CREB3L2: variants seen among roughly 807,000 people sequenced by gnomAD.
The protein encoded by CREB3L2 is cyclic AMP-responsive element-binding protein 3-like protein 2.
Under a neutral mutation model 57.2 loss-of-function variants are expected in CREB3L2, and 23 were observed. The observed-to-expected ratio is 0.40, with a 90% CI of 0.29 to 0.57. The LOEUF (loss-of-function observed/expected upper bound fraction) is 0.57, where lower values mean the gene tolerates loss of function less well. CREB3L2 is among the 20% of genes least tolerant of loss of function. The probability of loss-of-function intolerance (pLI) is 0.42; values close to 1 mark genes in which losing one functional copy is unlikely to be tolerated. For synonymous variants in CREB3L2, 268 were observed against 265.1 expected, an observed-to-expected ratio of 1.01 and a Z score of -0.11; for missense variants, 628 against 634.7, an observed-to-expected ratio of 0.99 and a Z score of 0.11.
chr7:137,879,084 T>C lies in CREB3L2; in HGVS notation c.*1392A>G. On this transcript the variant is annotated 3_prime_UTR_variant, in exon 12 of 12. Coordinates refer to ENST00000330387, the MANE Select transcript of CREB3L2 (RefSeq NM_194071.4). The stretch of plus-strand genomic sequence containing the variant: ...AAAAAACACTTGAGGGTTTTCTACA[T>C]TACACAATAAAAAGGCAATTTCCAC... 2.1e-6 allele frequency: 1 copy of C among 475,380 alleles called. No individual in the cohort carries two copies. The highest frequency in any genetic ancestry group is 3.1e-5 in the Admixed American group (1 of 32,480). The allele number at this position is 475,380 out of a possible 1,614,324, so 29.4% of individuals were successfully genotyped here.
At chr7:137,924,020 C>T (rs1171343643) in intron 2 of CREB3L2, among the ~76,000 whole-genome samples, 1 of 152,196 alleles carries the variant, frequency 6.6e-6, no homozygotes, top group Non-Finnish European at 1.5e-5. Flanking sequence ...CTCACCTTTA[C>T]CTCACAGACT....
rs1585674286 is a variant in CREB3L2, at chr7:137,980,171, G to A, written c.102+21433C>T. ...TGCCAGACCATGGACCATGCTTTGA[G>A]TAGTCATACTCCAAGCCAGTAGTTC... On this transcript the variant is annotated intron_variant, in intron 1 of 11. Coordinates refer to ENST00000330387, the MANE Select transcript of CREB3L2 (RefSeq NM_194071.4). This position sits in a 1 kb window ranked among gnomAD's most constrained non-coding sequence, Gnocchi z 4.3. Among the ~76,000 whole-genome samples, 1 of 152,212 alleles carries A rather than the reference G, an allele frequency of 6.6e-6. No individual in the cohort carries two copies. The highest frequency in any genetic ancestry group is 6.5e-5 in the Admixed American group (1 of 15,282).
intron 1 of CREB3L2, among the ~76,000 whole-genome samples, chr7:137,994,192 A>G (rs1160290396): frequency 6.6e-6 from 1 of 152,308 alleles, no homozygotes; most frequent in East Asian, 1.9e-4. Context: ...CAATCCTACC[A>G]AATGCCCAGC....
intron 1 of CREB3L2, among the ~76,000 whole-genome samples, chr7:137,982,887 T>C (rs1021025129): frequency 6.6e-6 from 1 of 151,886 alleles, no homozygotes; most frequent in Non-Finnish European, 1.5e-5. Flanking sequence ...GAAGAGGACA[T>C]AGCAAAAAGG....
Position 138,001,082 on chromosome 7 carries a change from AACACACACACACACAC to A in CREB3L2, c.102+506_102+521del, listed in dbSNP as rs59967148. ...CTCCCTAACGTAGAGGAGCCCTTTC[AACACACACACACACAC>A]ACACACACACACACACACACACACA... On this transcript the variant is annotated intron_variant, in intron 1 of 11. Transcript: ENST00000330387. The surrounding 1 kb of genome is among the most constrained non-coding windows in gnomAD (Gnocchi z 4.2). Among the ~76,000 whole-genome samples, 4,075 of 136,808 alleles carry A rather than the reference AACACACACACACACAC, an allele frequency of 0.03. 188 individuals are homozygous for A. The highest frequency in any genetic ancestry group is 0.1 in the African/African-American group (3,835 of 37,410). The allele number at this position is 136,808 out of a possible 152,430, so 89.8% of individuals were successfully genotyped here. A position where few individuals can be genotyped will look rare whatever the true frequency, so the allele number is the denominator to read the frequency against.
chr7:137,986,138 T>A lies in CREB3L2; in HGVS notation c.102+15466A>T, dbSNP rs778707162. On this transcript the variant is annotated intron_variant, in intron 1 of 11. Transcript: ENST00000330387. ...AACAGTCTCAGAAAGGTGCTCACAG[T>A]AGGGAGAGCCAGAACCAGATTGTAA... Among the ~76,000 whole-genome samples, 3 of 152,336 alleles carry A rather than the reference T, an allele frequency of 2.0e-5. No individual in the cohort carries two copies. In the East Asian group the frequency reaches 5.8e-4, roughly 29 times the overall value.
At chr7:137,971,287 A>G (rs1232931774) in intron 1 of CREB3L2, among the ~76,000 whole-genome samples, 1 of 152,066 alleles carries the variant, frequency 6.6e-6, no homozygotes, top group East Asian at 1.9e-4. Flanking sequence ...CATCTCTACT[A>G]AAAATACAAA....
At chr7:137,969,005 G>A (rs139393384) in intron 1 of CREB3L2, among the ~76,000 whole-genome samples, 113 of 152,244 alleles carry the variant, frequency 7.4e-4, no homozygotes, top group African/African-American at 2.6e-3. Context: ...GAGAAGGAAC[G>A]AAGAAGACGT....
At chr7:137,935,164 G>A (rs556345683) in intron 1 of CREB3L2, among the ~76,000 whole-genome samples, 2 of 152,210 alleles carry the variant, frequency 1.3e-5, no homozygotes, top group Non-Finnish European at 2.9e-5. Context: ...CAATAATGCC[G>A]GCAAAGTGAA....
chr7:137,940,701 A>G (rs770339787), intron 1 of CREB3L2, among the ~76,000 whole-genome samples: 39 of 152,360 alleles, frequency 2.6e-4, no homozygotes, highest in Non-Finnish European at 3.1e-4. Flanking sequence ...ATCTAATGCC[A>G]AAAACATCAG....
At chr7:137,929,960 C>T (rs543485653) in intron 1 of CREB3L2, among the ~76,000 whole-genome samples, 13 of 151,266 alleles carry the variant, frequency 8.6e-5, no homozygotes, top group African/African-American at 1.9e-4. Flanking sequence ...TGCAATGGCG[C>T]GATCTCCACT....
At chr7:137,935,993 A>G (rs273982) in intron 1 of CREB3L2, 964,584 of 965,696 alleles carry the variant, frequency 1, 481,747 homozygotes, top group South Asian at 1. Flanking sequence ...CCCTAAGATC[A>G]GAGGTCACGA....
chr7:137,924,101 G>A (rs1776836091), intron 2 of CREB3L2, among the ~76,000 whole-genome samples: 2 of 152,252 alleles, frequency 1.3e-5, no homozygotes, highest in South Asian at 4.1e-4. Context: ...AGCCTACCCA[G>A]CCATCCCTTG....
intron 1 of CREB3L2, among the ~76,000 whole-genome samples, chr7:137,987,166 G>A (rs528942689): frequency 1.3e-5 from 2 of 152,322 alleles, no homozygotes; most frequent in South Asian, 4.1e-4. Context: ...TCAGGGGTAG[G>A]AAGTAAAAAG....
intron 1 of CREB3L2, among the ~76,000 whole-genome samples, chr7:137,971,597 C>G (rs1251919795): frequency 6.6e-6 from 1 of 151,898 alleles, no homozygotes; most frequent in Non-Finnish European, 1.5e-5. Flanking sequence ...CTCTGCAACC[C>G]GAATCCCCTG....
At chr7:137,923,358 A>T (rs1256544141) in intron 2 of CREB3L2, among the ~76,000 whole-genome samples, 1 of 152,250 alleles carries the variant, frequency 6.6e-6, no homozygotes, top group Admixed American at 6.5e-5. Context: ...GCGGAGGAAT[A>T]GCAAAATAGC....
chr7:137,995,477 G>A (rs1801975808), intron 1 of CREB3L2, among the ~76,000 whole-genome samples: 1 of 151,644 alleles, frequency 6.6e-6, no homozygotes, highest in Non-Finnish European at 1.5e-5. Flanking sequence ...TGGGATTACA[G>A]GCGCCCGCCA....
At chr7:137,969,761 A>AACACACACACACACACACACACAC (rs66931280) in intron 1 of CREB3L2, among the ~76,000 whole-genome samples, 1 of 103,552 alleles carries the variant, frequency 9.7e-6, no homozygotes, top group African/African-American at 2.9e-5. Context: ...AGGGTCATCA[A>AACACACACACACACACACACACAC]ACACACACAC....
chr7:137,949,774 A>C (rs1801063099), intron 1 of CREB3L2, among the ~76,000 whole-genome samples: 1 of 152,212 alleles, frequency 6.6e-6, no homozygotes, highest in South Asian at 2.1e-4. Context: ...TTAAATAGTG[A>C]CATTTGCTTA....
Sources: allele counts gnomAD v4.1 joint callset (sites outside exome capture counted in the v4.1 genomes callset), GRCh38; gene constraint gnomAD v4.1.1; non-coding constraint Gnocchi (gnomAD v3.1); transcripts MANE v1.5; gene names NCBI Gene and HGNC (gene_info 2026-07-23, HGNC 2026-07-21).